The following SMAP1 variants were observed in gnomAD, a reference collection of about 807,000 sequenced individuals.
The protein encoded by SMAP1 is stromal membrane-associated protein 1.
A neutral mutation model predicts 58.5 loss-of-function variants in SMAP1; 24 were observed. That is an observed-to-expected ratio of 0.41 (90% CI 0.30 to 0.58). The LOEUF (loss-of-function observed/expected upper bound fraction) is 0.58, where lower values mean the gene tolerates loss of function less well. SMAP1 is among the 20% of genes least tolerant of loss of function. The pLI is 0.29. For synonymous variants in SMAP1, 216 were observed against 196.6 expected (o/e 1.10, Z -0.82); for missense variants, 563 against 566.3 (o/e 0.99, Z 0.06).
intron 3 of SMAP1, 118 bp downstream of exon 3, chr6:70,755,183 A>C (rs780345226): frequency 2.0e-4 from 158 of 801,052 alleles, no homozygotes; most frequent in Non-Finnish European, 2.9e-4. Context: ...TGTTCATTAA[A>C]GATAGAAATT....
chr6:70,667,996 G>GC lies in SMAP1; in HGVS notation c.-24dup. 6.4e-7 allele frequency: 1 copy of GC among 1,559,808 alleles called. No individual in the cohort carries two copies. The highest frequency in any genetic ancestry group is 8.7e-7 in the Non-Finnish European group (1 of 1,153,404). On this transcript the variant is annotated 5_prime_UTR_variant, in exon 1 of 11. Transcript: ENST00000370455. Reference sequence around the variant, plus strand: ...GCCAGCGTCCGCCGCCGCCGTAGCTGCCCCAGGCTCCCCGCCCCGCTGCCG... The same window carrying GC: ...GCCAGCGTCCGCCGCCGCCGTAGCTGCCCCCAGGCTCCCCGCCCCGCTGCCG...
chr6:70,769,999 C>T (rs1012400873), intron 3 of SMAP1, among the ~76,000 whole-genome samples: 3 of 151,722 alleles, frequency 2.0e-5, no homozygotes, highest in Non-Finnish European at 4.4e-5. Context: ...TTTTATTTCT[C>T]CTTCACTTAT....
rs1766620952 is a variant in SMAP1 at position 70,758,715 on chromosome 6, A to T, written c.338+3650A>T. ...TCTAAGTTAGATAGTGGCATTGGGA[A>T]TGGGCAGGATTAAATTGGAGAGATT... On this transcript the variant is annotated intron_variant, in intron 3 of 10. Transcript: ENST00000370455. Among the ~76,000 whole-genome samples, 3 of 152,080 alleles carry T rather than the reference A, an allele frequency of 2.0e-5. 1 individual carries two copies. The highest frequency in any genetic ancestry group is 1.3e-4 in the Admixed American group (2 of 15,238).
chr6:70,840,793 A>AG (rs1198663824), intron 7 of SMAP1, among the ~76,000 whole-genome samples: 1 of 152,228 alleles, frequency 6.6e-6, no homozygotes, highest in Admixed American at 6.5e-5. Context: ...GAAATTACCA[A>AG]GGGCCTGGGG....
chr6:70,759,922 A>G (rs1019611228), intron 3 of SMAP1: 5 of 424,532 alleles, frequency 1.2e-5, no homozygotes, highest in Non-Finnish European at 2.3e-5. Context: ...TTTTATGTAC[A>G]TTATCTTTTT....
chr6:70,779,795 G>C (rs1294863653), intron 4 of SMAP1, among the ~76,000 whole-genome samples: 1 of 152,180 alleles, frequency 6.6e-6, no homozygotes, highest in Non-Finnish European at 1.5e-5. Flanking sequence ...CTCCATTTGA[G>C]AATGTTTTGC....
chr6:70,809,002 T>C (rs1769272756), intron 6 of SMAP1, among the ~76,000 whole-genome samples: 1 of 151,832 alleles, frequency 6.6e-6, no homozygotes, highest in Admixed American at 6.6e-5. Flanking sequence ...TAAAATAGAT[T>C]GTTTTCATTG....
At chr6:70,858,301 T>C in intron 10 of SMAP1, 72 bp downstream of exon 10, 1 of 1,323,734 alleles carries the variant, frequency 7.6e-7, no homozygotes, top group African/African-American at 1.5e-5. Flanking sequence ...TTTTTTTTTT[T>C]TTTTTTTTTT....
intron 1 of SMAP1, among the ~76,000 whole-genome samples, chr6:70,673,812 T>C (rs781987): frequency 0.5 from 75,446 of 152,038 alleles, 19,053 homozygotes; most frequent in Non-Finnish European, 0.52. Context: ...GAGATGGAAA[T>C]CATTGGTCTC....
At chr6:70,821,789 G>A (rs1769902379) in intron 6 of SMAP1, among the ~76,000 whole-genome samples, 1 of 152,156 alleles carries the variant, frequency 6.6e-6, no homozygotes, top group African/African-American at 2.4e-5. Flanking sequence ...CGCCAGAGAT[G>A]TAATAGCTTT....
At chr6:70,703,335 A>G (rs1367982608) in intron 1 of SMAP1, among the ~76,000 whole-genome samples, 5 of 152,152 alleles carry the variant, frequency 3.3e-5, no homozygotes, top group Admixed American at 3.3e-4. Context: ...CGGCCTCCCA[A>G]AGTGGTGGGA....
chr6:70,729,469 G>GTA (rs1765335141), intron 1 of SMAP1, among the ~76,000 whole-genome samples: 16 of 149,870 alleles, frequency 1.1e-4, no homozygotes, highest in African/African-American at 3.9e-4. Context: ...TTGTGTGTGT[G>GTA]TGTGTGTGTG....
chr6:70,695,564 A>G (rs766946120), intron 1 of SMAP1, among the ~76,000 whole-genome samples: 7 of 152,166 alleles, frequency 4.6e-5, no homozygotes, highest in Admixed American at 2.6e-4. Context: ...CCTTCATTCA[A>G]TGTTGATATG....
At chr6:70,814,683 G>A (rs1582243027) in intron 6 of SMAP1, among the ~76,000 whole-genome samples, 1 of 152,082 alleles carries the variant, frequency 6.6e-6, no homozygotes, top group African/African-American at 2.4e-5. Context: ...CAGGCCTTAG[G>A]ACTAAGGAGG....
chr6:70,761,991 A>G (rs1353334248), intron 3 of SMAP1, among the ~76,000 whole-genome samples: 1 of 152,226 alleles, frequency 6.6e-6, no homozygotes, highest in East Asian at 1.9e-4. Flanking sequence ...GCTAACCTAA[A>G]GGTCACAATA....
chr6:70,727,346 T>G (rs1312617538), intron 1 of SMAP1, among the ~76,000 whole-genome samples: 4 of 152,202 alleles, frequency 2.6e-5, no homozygotes, highest in Non-Finnish European at 5.9e-5. Flanking sequence ...TGGCCTTAAG[T>G]TATCTGCCCA....
intron 1 of SMAP1, among the ~76,000 whole-genome samples, chr6:70,698,414 T>C (rs1767497988): frequency 6.6e-6 from 1 of 152,200 alleles, no homozygotes; most frequent in Non-Finnish European, 1.5e-5. Flanking sequence ...CTCTGTGCTT[T>C]TGAATTGTGA....
intron 3 of SMAP1, among the ~76,000 whole-genome samples, chr6:70,767,128 C>T (rs1767025660): frequency 6.6e-6 from 1 of 152,040 alleles, no homozygotes; most frequent in African/African-American, 2.4e-5. Context: ...GTACCAATAC[C>T]ATGCTGTTTT....
At chr6:70,809,916 G>A (rs1257262800) in intron 6 of SMAP1, among the ~76,000 whole-genome samples, 1 of 152,122 alleles carries the variant, frequency 6.6e-6, no homozygotes, top group Non-Finnish European at 1.5e-5. Flanking sequence ...GGTTTAGGAA[G>A]CATTTTAGTG....
Sources: allele counts gnomAD v4.1 joint callset (sites outside exome capture counted in the v4.1 genomes callset), GRCh38; gene constraint gnomAD v4.1.1; transcripts MANE v1.5; gene names NCBI Gene and HGNC (gene_info 2026-07-23, HGNC 2026-07-21).